Variants in ZFYVE16 observed in about 807,000 individuals in gnomAD.
ZFYVE16 encodes the protein zinc finger FYVE domain-containing protein 16.
Under a neutral mutation model 138.1 loss-of-function variants are expected in ZFYVE16, and 89 were observed. That is an observed-to-expected ratio of 0.64 (90% CI 0.54 to 0.77). ZFYVE16 has a LOEUF of 0.77. Ranked by LOEUF, ZFYVE16 falls within the 30% of genes least tolerant of loss-of-function variation. The pLI, the probability that ZFYVE16 is intolerant of heterozygous loss-of-function variation, is 0.00. For synonymous variants in ZFYVE16, 596 were observed against 618.3 expected, an observed-to-expected ratio of 0.96 and a Z score of 0.53; for missense variants, 1,793 against 1,786.7, an observed-to-expected ratio of 1.00 and a Z score of -0.06.
chr5:80,482,613 C>G lies in ZFYVE16; in HGVS notation c.*5236C>G, dbSNP rs923539042. On this transcript the variant is annotated 3_prime_UTR_variant, in exon 19 of 19. Transcript: ENST00000505560. ...GCAAATCCCAAAAAGGAAAACCACA[C>G]CCAGGCACGTCATAATCAAAGTGAT... The G allele has an allele frequency of 1.3e-5, 2 of 152,160 alleles. No individual in the cohort carries two copies. The highest frequency in any genetic ancestry group is 6.5e-5 in the Admixed American group (1 of 15,280). The allele number at this position is 152,160 out of a possible 1,614,324, so 9.4% of individuals were successfully genotyped here. A position where few individuals can be genotyped will look rare whatever the true frequency, so the allele number is the denominator to read the frequency against.
At chr5:80,419,598 C>T (rs1006527318) in intron 1 of ZFYVE16, among the ~76,000 whole-genome samples, 20 of 151,218 alleles carry the variant, frequency 1.3e-4, no homozygotes, top group African/African-American at 4.4e-4. Context: ...AGGCTGGTCT[C>T]GAACTCTTGA....
rs2112584867 is a variant in ZFYVE16 at position 80,483,172 on chromosome 5, A to C, written c.*5795A>C. 1 of 152,332 alleles carries C rather than the reference A, an allele frequency of 6.6e-6. No homozygotes were observed. Among genetic ancestry groups the C allele is most frequent in the East Asian group, 1.9e-4 (1 of 5,184 alleles). The allele number at this position is 152,332 out of a possible 1,614,324, so 9.4% of individuals were successfully genotyped here. A position where few individuals can be genotyped will look rare whatever the true frequency, so the allele number is the denominator to read the frequency against. On this transcript the variant is annotated 3_prime_UTR_variant, in exon 19 of 19. Transcript: ENST00000505560. ...GCATGAGCCACCATACCTGGCTGAA[A>C]TAAAGACATTGTCAGAAGAAGGAAA...
chr5:80,438,023 A>G lies in ZFYVE16; in HGVS notation c.1338A>G (p.Ser446=), dbSNP rs1304850562. ...AATGTAAAAGCATACTCCTTCAGTC[A>G]TTAATTGAAGGGATGGAAGACAGAA... The part of the protein sequence containing the change: ...QEKCKSILLQ[S]LIEGMEDRKI... Residue 446 remains serine (S), a synonymous_variant, in exon 4 of 19, where the codon TCA becomes TCG. Transcript: ENST00000505560. The G allele has an allele frequency of 2.5e-6, 4 of 1,613,998 alleles. No homozygotes were observed. Among genetic ancestry groups the G allele is most frequent in the African/African-American group, 1.3e-5 (1 of 74,938 alleles).
At chr5:80,466,347 A>ATT (rs1466439448) in intron 15 of ZFYVE16, among the ~76,000 whole-genome samples, 2 of 152,120 alleles carry the variant, frequency 1.3e-5, no homozygotes, top group Non-Finnish European at 2.9e-5. Flanking sequence ...AAATTCACAA[A>ATT]TTCTTCTGCC....
chr5:80,416,160 A>AT (rs1029931584), intron 1 of ZFYVE16, among the ~76,000 whole-genome samples: 28 of 141,586 alleles, frequency 2.0e-4, no homozygotes, highest in East Asian at 1.4e-3. Flanking sequence ...AATTATTTGG[A>AT]TTTTTTTTTT....
rs1755226428 is a variant in ZFYVE16, at chr5:80,480,505, CAAG to C, written c.*3131_*3133del. 6.6e-6 allele frequency among the ~76,000 whole-genome samples: 1 copy of C among 151,812 alleles called. No individual in the cohort carries two copies. Among genetic ancestry groups the C allele is most frequent in the South Asian group, 2.1e-4 (1 of 4,810 alleles). ...GCTTCATTAGCTGTGAGAGGAGAGG[CAAG>C]AATAGGACAGAGCAAATACTTAGAT... On this transcript the variant is annotated 3_prime_UTR_variant, in exon 19 of 19. Coordinates refer to ENST00000505560, the MANE Select transcript of ZFYVE16 (RefSeq NM_001284236.3).
intron 11 of ZFYVE16, 98 bp from the exon 12 acceptor site, chr5:80,455,594 C>T: frequency 1.1e-6 from 1 of 951,090 alleles, no homozygotes; most frequent in Non-Finnish European, 1.6e-6. Context: ...GATATTTATA[C>T]ATAATGTTTG....
At chr5:80,426,201 GGTGTGT>G (rs67789869) in intron 1 of ZFYVE16, among the ~76,000 whole-genome samples, 1,826 of 139,304 alleles carry the variant, frequency 0.013, 20 homozygotes, top group East Asian at 0.07. Flanking sequence ...GTGTGTGTGT[GGTGTGT>G]GTGTGTGTGT....
chr5:80,434,609 C>A (rs1214115099), intron 3 of ZFYVE16, among the ~76,000 whole-genome samples: 3 of 151,874 alleles, frequency 2.0e-5, no homozygotes, highest in Non-Finnish European at 4.4e-5. Context: ...CCAAGTGGGA[C>A]CATAGGTGCA....
chr5:80,469,612 C>T (rs946469128), intron 15 of ZFYVE16, among the ~76,000 whole-genome samples: 3 of 152,024 alleles, frequency 2.0e-5, no homozygotes, highest in African/African-American at 7.2e-5. Context: ...GCCTAGATTC[C>T]AGTCTCTTCT....
intron 7 of ZFYVE16, among the ~76,000 whole-genome samples, chr5:80,446,166 T>G (rs1339848304): frequency 2.6e-5 from 4 of 151,886 alleles, no homozygotes; most frequent in African/African-American, 9.7e-5. Context: ...AAAGTGCTGG[T>G]TATTACAGGA....
At chr5:80,434,922 C>T (rs1046531623) in intron 3 of ZFYVE16, among the ~76,000 whole-genome samples, 4 of 152,118 alleles carry the variant, frequency 2.6e-5, no homozygotes, top group African/African-American at 4.8e-5. Flanking sequence ...AGTGCAGTGG[C>T]GCCATGTCAG....
chr5:80,421,761 C>G (rs896350553), intron 1 of ZFYVE16, among the ~76,000 whole-genome samples: 1 of 152,036 alleles, frequency 6.6e-6, no homozygotes, highest in Non-Finnish European at 1.5e-5. Flanking sequence ...TGGCTTAGGA[C>G]TGTCTCGGCA....
chr5:80,411,182 C>T (rs903352650), intron 1 of ZFYVE16, among the ~76,000 whole-genome samples: 1 of 138,080 alleles, frequency 7.2e-6, no homozygotes, highest in South Asian at 2.3e-4. Flanking sequence ...CAGGGTTTCA[C>T]CATGTTGGCC....
Position 80,438,457 on chromosome 5 carries a change from G to A in ZFYVE16, c.1772G>A (p.Gly591Asp), listed in dbSNP as rs1265274532. ...GCAGGAGCTATTGGGGAAAGTCATGGTATTAATATAATTTGTGAAATAGTT... is the reference window on the plus strand; with the variant it reads ...GCAGGAGCTATTGGGGAAAGTCATGATATTAATATAATTTGTGAAATAGTT... Reference protein sequence around the residue: ...AEAGAIGESHGINIICEIVDK... With the variant: ...AEAGAIGESHDINIICEIVDK... Residue 591 changes from glycine to aspartate, a missense_variant, in exon 4 of 19, where the codon GGT becomes GAT. Gly to Asp is a moderately conservative substitution (Grantham distance 94). Transcript: ENST00000505560. The A allele has an allele frequency of 1.2e-6, 2 of 1,613,600 alleles. No individual in the cohort carries two copies. Among genetic ancestry groups the A allele is most frequent in the Non-Finnish European group, 1.7e-6 (2 of 1,179,852 alleles).
chr5:80,409,849 AGGTTGTTTAAAATTTTACACT>A (rs1423045055), intron 1 of ZFYVE16: 8 of 152,230 alleles, frequency 5.3e-5, no homozygotes, highest in Non-Finnish European at 1.0e-4. Context: ...GTGGGCTGTT[AGGTTGTTTAAAATTTTACACT>A]GTTACAACCC....
At chr5:80,425,253 ATTTC>A (rs1350656317) in intron 1 of ZFYVE16, among the ~76,000 whole-genome samples, 2 of 152,016 alleles carry the variant, frequency 1.3e-5, no homozygotes, top group African/African-American at 4.8e-5. Context: ...ACTTTAGGTA[ATTTC>A]TTCAGATAGG....
intron 2 of ZFYVE16, among the ~76,000 whole-genome samples, chr5:80,433,047 G>T (rs1216157310): frequency 6.6e-6 from 1 of 152,158 alleles, no homozygotes. Context: ...TAGGGATCTA[G>T]AACTAGAAAT....
At chr5:80,411,194 G>A (rs1033274654) in intron 1 of ZFYVE16, among the ~76,000 whole-genome samples, 8 of 139,746 alleles carry the variant, frequency 5.7e-5, no homozygotes, top group Non-Finnish European at 1.2e-4. Flanking sequence ...ATGTTGGCCA[G>A]GATGATCTCG....
Sources: gnomAD v4.1 joint callset for allele counts (sites outside exome capture counted in the v4.1 genomes callset) on GRCh38, gnomAD v4.1.1 for gene constraint, MANE v1.5 for transcripts, NCBI Gene and HGNC (gene_info 2026-07-23, HGNC 2026-07-21) for gene names.